ABCB9: variants seen among roughly 807,000 people sequenced by gnomAD.
The protein encoded by ABCB9 is ATP binding cassette subfamily B member 9, also known as ABC-type oligopeptide transporter ABCB9.
In ABCB9, 36 loss-of-function variants were observed where a neutral mutation model predicts 62.0. That is an observed-to-expected ratio of 0.58 (90% CI 0.45 to 0.77). The LOEUF is 0.77. Among genes scored for constraint, ABCB9 ranks in the 30% least tolerant of loss-of-function variants. The probability of loss-of-function intolerance (pLI) is 0.00; values close to 1 mark genes in which losing one functional copy is unlikely to be tolerated. For synonymous variants in ABCB9, 435 were observed against 461.4 expected, an observed-to-expected ratio of 0.94 and a Z score of 0.73; for missense variants, 943 against 1,054.7, an observed-to-expected ratio of 0.89 and a Z score of 1.47.
chr12:122,955,613 C>T (rs2036577315), intron 2 of ABCB9, among the ~76,000 whole-genome samples: 1 of 152,184 alleles, frequency 6.6e-6, no homozygotes, highest in Admixed American at 6.5e-5. Context: ...AACTCCTGGC[C>T]TCAAGTGATC....
chr12:122,920,945 G>C (rs773844244), downstream of ABCB9: 5 of 1,386,766 alleles, frequency 3.6e-6, no homozygotes, highest in South Asian at 6.2e-5. Flanking sequence ...GCATAGACTC[G>C]TGTTTGCTGC....
At chr12:122,948,594 C>T (rs1217428525) in intron 5 of ABCB9, 30 bp downstream of exon 5, 3 of 1,565,628 alleles carry the variant, frequency 1.9e-6, no homozygotes, top group African/African-American at 2.7e-5. Context: ...CCAGGGTGCA[C>T]AGTCCCCAGC....
Position 122,929,920 on chromosome 12 carries a change from G to GT in ABCB9, c.2291dup (p.His764GlnfsTer40), listed in dbSNP as rs374913370. ...AAGCAGGGGCCCCCCATCAGGCCTT[G>GT]TGACTGCCGTTGGCTACAGGCTCGT... On this transcript the variant is annotated frameshift_variant, in exon 12 of 12. Coordinates refer to ENST00000280560, the MANE Select transcript of ABCB9 (RefSeq NM_019625.4). LOFTEE classifies it high-confidence loss of function. The surrounding 1 kb of genome is among the most constrained non-coding windows in gnomAD (Gnocchi z 6.0). 6.4e-7 allele frequency: 1 copy of GT among 1,551,202 alleles called. No individual in the cohort carries two copies.
chr12:122,936,191 T>G (rs2035452120), intron 9 of ABCB9, among the ~76,000 whole-genome samples: 1 of 152,212 alleles, frequency 6.6e-6, no homozygotes, highest in Admixed American at 6.5e-5. Flanking sequence ...TCCTTAAAAC[T>G]GAATTGTAAT....
chr12:122,955,270 G>A (rs2036562392), intron 2 of ABCB9, among the ~76,000 whole-genome samples: 1 of 152,150 alleles, frequency 6.6e-6, no homozygotes. Flanking sequence ...TCTGCGCCCT[G>A]ACTCTTGATG....
At chr12:122,933,049 C>G (rs967385146) in intron 10 of ABCB9, among the ~76,000 whole-genome samples, 2 of 152,168 alleles carry the variant, frequency 1.3e-5, no homozygotes, top group African/African-American at 4.8e-5. Flanking sequence ...TGCCACCACA[C>G]CTGGCTAACT....
In ABCB9 at chr12:122,929,313, T is replaced by C. The variant is rs980350065; in HGVS notation, c.*598A>G. On this transcript the variant is annotated 3_prime_UTR_variant, in exon 12 of 12. Coordinates refer to ENST00000280560, the MANE Select transcript of ABCB9 (RefSeq NM_019625.4). The surrounding 1 kb of genome is among the most constrained non-coding windows in gnomAD (Gnocchi z 6.0). Reference sequence around the variant, plus strand: ...TGGTTCACAGTGAGACTGGCTTAGATTGGCAGCGGGCGATGGCAGACAGAT... The same window carrying C: ...TGGTTCACAGTGAGACTGGCTTAGACTGGCAGCGGGCGATGGCAGACAGAT... The C allele has an allele frequency of 1.5e-4, 143 of 985,902 alleles. No homozygotes were observed. In the Middle Eastern group the frequency reaches 1.6e-3, roughly 11 times the overall value. 61.1% of individuals were successfully genotyped at this position (985,902 alleles called of 1,614,324 possible).
upstream of ABCB9, among the ~76,000 whole-genome samples, chr12:122,969,174 ACC>A (rs56058123): frequency 0.047 from 6,445 of 138,484 alleles, 623 homozygotes; most frequent in African/African-American, 0.16. Context: ...CATCCTTTCC[ACC>A]CCCCCCCCCC....
intron 9 of ABCB9, 62 bp from the exon 10 acceptor site, chr12:122,935,493 C>G (rs549018731): frequency 6.4e-7 from 1 of 1,559,830 alleles, no homozygotes; most frequent in East Asian, 2.3e-5. Context: ...CTGTCCCCAG[C>G]AGCCTTGCTG....
At chr12:122,945,029 C>A (rs1021175206) in intron 6 of ABCB9, among the ~76,000 whole-genome samples, 7 of 152,322 alleles carry the variant, frequency 4.6e-5, no homozygotes, top group African/African-American at 1.7e-4. Context: ...ACACCCTAGT[C>A]AGGGACTCCA....
Position 122,949,908 on chromosome 12 carries a change from C to T in ABCB9, c.727G>A (p.Ala243Thr), listed in dbSNP as rs1442147204. The stretch of plus-strand genomic sequence containing the variant: ...GTAAAAATGCCGCCCCGAATACCTG[C>T]GGCAAATGAGCTAATTGCAGATAAG... ...CLLAIGSSFA[A>T]GIRGGIFTLI... The change falls in exon 4 of 12, where the codon GCA becomes ACA. Residue 243 changes from alanine (A) to threonine (T), a missense_variant. Transcript: ENST00000280560. 2 of 1,614,154 alleles carry T rather than the reference C, an allele frequency of 1.2e-6. No homozygotes were observed. Among genetic ancestry groups the T allele is most frequent in the South Asian group, 1.1e-5 (1 of 91,086 alleles).
At chr12:122,963,155 G>A (rs147391399) in intron 1 of ABCB9, among the ~76,000 whole-genome samples, 3 of 152,062 alleles carry the variant, frequency 2.0e-5, no homozygotes, top group African/African-American at 4.8e-5. Context: ...AAAATTAGCC[G>A]AGCATGGTGG....
At chr12:122,942,929 T>C (rs1038945836) in intron 7 of ABCB9, among the ~76,000 whole-genome samples, 3 of 152,168 alleles carry the variant, frequency 2.0e-5, no homozygotes, top group Admixed American at 6.5e-5. Flanking sequence ...TCAAATAATA[T>C]GGCAGGTGTG....
At chr12:122,931,844 A>C in intron 11 of ABCB9, 1 of 300,006 alleles carries the variant, frequency 3.3e-6, no homozygotes, top group Non-Finnish European at 6.4e-6. Flanking sequence ...GGGTTTCACC[A>C]TGTTGGCCAG....
At chr12:122,965,385 G>A (rs760488712) in intron 1 of ABCB9, among the ~76,000 whole-genome samples, 4 of 152,220 alleles carry the variant, frequency 2.6e-5, no homozygotes, top group African/African-American at 7.2e-5. Context: ...CATTCGCTGC[G>A]CAGCAAAGCA....
At chr12:122,965,007 C>G (rs1379066469) in intron 1 of ABCB9, among the ~76,000 whole-genome samples, 1 of 152,080 alleles carries the variant, frequency 6.6e-6, no homozygotes, top group African/African-American at 2.4e-5. Flanking sequence ...CAGAGAAGGC[C>G]AGGAGACAAT....
At chr12:122,948,873 T>A in intron 4 of ABCB9, 44 bp from the exon 5 acceptor site, 1 of 1,439,996 alleles carries the variant, frequency 6.9e-7, no homozygotes, top group Non-Finnish European at 9.2e-7. Flanking sequence ...AACCCGGGCC[T>A]TGGGGGTGGC....
rs753468877 is a variant in ABCB9, at chr12:122,944,494, C to T, written c.1277G>A (p.Ser426Asn). 6 of 1,613,830 alleles carry T rather than the reference C, an allele frequency of 3.7e-6. No homozygotes were observed. The highest frequency in any genetic ancestry group is 5.1e-6 in the Non-Finnish European group (6 of 1,179,938). The change falls in exon 7 of 12, where the codon AGC (serine) becomes AAC (asparagine). Residue 426 changes from serine to asparagine, a missense_variant. Coordinates refer to ENST00000280560, the MANE Select transcript of ABCB9 (RefSeq NM_019625.4). This position sits in a 1 kb window ranked among gnomAD's most constrained non-coding sequence, Gnocchi z 4.9. Reference sequence around the variant, plus strand: ...AAGGTGGCCCCCGTAGTAGAGGATGCTGACCTGGACCACCAGCAGTGTGAG... The same window carrying T: ...AAGGTGGCCCCCGTAGTAGAGGATGTTGACCTGGACCACCAGCAGTGTGAG... ...SGLTLLVVQV[S>N]ILYYGGHLVI...
intron 4 of ABCB9, 148 bp downstream of exon 4, chr12:122,949,639 GC>G: frequency 3.6e-6 from 4 of 1,107,910 alleles, no homozygotes; most frequent in Non-Finnish European, 5.1e-6. Context: ...CACAGGCCAA[GC>G]CCAGGGTGTT....
Sources: gnomAD v4.1 joint callset for allele counts (sites outside exome capture counted in the v4.1 genomes callset) on GRCh38, gnomAD v4.1.1 for gene constraint, Gnocchi (gnomAD v3.1) non-coding constraint, MANE v1.5 for transcripts, NCBI Gene and HGNC (gene_info 2026-07-23, HGNC 2026-07-21) for gene names.